PARD3B: variants seen among roughly 807,000 people sequenced by gnomAD.
PARD3B encodes par-3 family cell polarity regulator beta.
Under a neutral mutation model 130.2 loss-of-function variants are expected in PARD3B, and 103 were observed. The observed-to-expected ratio is 0.79, with a 90% CI of 0.67 to 0.93. PARD3B has a LOEUF of 0.93. Ranked by LOEUF, PARD3B falls within the 40% of genes least tolerant of loss-of-function variation. The probability of loss-of-function intolerance (pLI) is 0.00; values close to 1 mark genes in which losing one functional copy is unlikely to be tolerated. For synonymous variants in PARD3B, 583 were observed against 553.2 expected, an observed-to-expected ratio of 1.05 and a Z score of -0.76; for missense variants, 1,609 against 1,499.2, an observed-to-expected ratio of 1.07 and a Z score of -1.21.
In PARD3B at chr2:205,550,836, T is replaced by C. The variant is rs2052586056; in HGVS notation, c.3181-2488T>C. ...TATGTATATATGTATATTTTATGTA[T>C]ATTTGAATATTTTATATGTATATTT... On this transcript the variant is annotated intron_variant, in intron 21 of 22. Transcript: ENST00000406610. This position sits in a 1 kb window ranked among gnomAD's most constrained non-coding sequence, Gnocchi z 4.5. Among the ~76,000 whole-genome samples, 1 of 148,914 alleles carries C rather than the reference T, an allele frequency of 6.7e-6. No individual in the cohort carries two copies. Among genetic ancestry groups the C allele is most frequent in the South Asian group, 2.1e-4 (1 of 4,770 alleles).
intron 21 of PARD3B, among the ~76,000 whole-genome samples, chr2:205,522,838 A>G (rs1485559992): frequency 6.6e-6 from 1 of 152,194 alleles, no homozygotes; most frequent in Non-Finnish European, 1.5e-5. Context: ...TCAATTTTAC[A>G]AATATTTAGG....
At chr2:205,528,217 C>G (rs1271774100) in intron 21 of PARD3B, among the ~76,000 whole-genome samples, 1 of 152,158 alleles carries the variant, frequency 6.6e-6, no homozygotes, top group Non-Finnish European at 1.5e-5. Context: ...TCCCTGTCAG[C>G]ACTTCCAGTC....
Position 204,924,539 on chromosome 2 carries a change from G to T in PARD3B, c.223-40613G>T, listed in dbSNP as rs534516050. Among the ~76,000 whole-genome samples, 7 of 152,116 alleles carry T rather than the reference G, an allele frequency of 4.6e-5. No homozygotes were observed. In the South Asian group the frequency reaches 1.4e-3, roughly 32 times the overall value. ...TAGTTACTACTAAAATTGTTAAAAA[G>T]TCATCTGTGAATAGTCTTTTGCAAG... On this transcript the variant is annotated intron_variant, in intron 2 of 22. Coordinates refer to ENST00000406610, the MANE Select transcript of PARD3B (RefSeq NM_001302769.2).
chr2:205,228,261 C>T (rs1453009435), intron 15 of PARD3B, among the ~76,000 whole-genome samples: 1 of 152,156 alleles, frequency 6.6e-6, no homozygotes, highest in Non-Finnish European at 1.5e-5. Context: ...TTGAAGAACT[C>T]CCTTTAGCAT....
chr2:205,314,696 A>G (rs1452240805), intron 18 of PARD3B, among the ~76,000 whole-genome samples: 4 of 152,248 alleles, frequency 2.6e-5, no homozygotes, highest in African/African-American at 9.6e-5. Flanking sequence ...ATCCTGCTAA[A>G]TAATATCCAC....
At chr2:205,480,460 G>T (rs2049189666) in intron 20 of PARD3B, among the ~76,000 whole-genome samples, 1 of 152,124 alleles carries the variant, frequency 6.6e-6, no homozygotes, top group South Asian at 2.1e-4. Flanking sequence ...TCTCTTCATT[G>T]GTTTGTGTAT....
At chr2:205,042,289 A>T (rs1438873590) in intron 3 of PARD3B, among the ~76,000 whole-genome samples, 1 of 152,132 alleles carries the variant, frequency 6.6e-6, no homozygotes, top group Admixed American at 6.5e-5. Flanking sequence ...TCATTCATAG[A>T]CACTTGGGAA....
rs547815506 is a variant in PARD3B, at chr2:205,290,367, G to A, written c.2186-10163G>A. On this transcript the variant is annotated intron_variant, in intron 16 of 22. Transcript: ENST00000406610. ...ATTTCTGAGGCAGCAAAGAAAATGGGAGGAATTTCAGCTCAAGGTTTGTCA... is the reference window on the plus strand; with the variant it reads ...ATTTCTGAGGCAGCAAAGAAAATGGAAGGAATTTCAGCTCAAGGTTTGTCA... Among the ~76,000 whole-genome samples, 5 of 152,290 alleles carry A rather than the reference G, an allele frequency of 3.3e-5. No homozygotes were observed. The South Asian group carries it at 1.0e-3, about 32-fold the overall frequency.
At chr2:205,337,372 G>T (rs1216190084) in intron 18 of PARD3B, among the ~76,000 whole-genome samples, 1 of 152,118 alleles carries the variant, frequency 6.6e-6, no homozygotes, top group African/African-American at 2.4e-5. Flanking sequence ...GATGTATTTT[G>T]AACATGGTTT....
intron 10 of PARD3B, among the ~76,000 whole-genome samples, chr2:205,137,283 G>A (rs1175340638): frequency 2.6e-5 from 4 of 152,052 alleles, no homozygotes; most frequent in African/African-American, 4.8e-5. Context: ...AGATAGATTC[G>A]AAGAAGCAAG....
At chr2:205,270,983 G>A (rs2040703582) in intron 16 of PARD3B, among the ~76,000 whole-genome samples, 1 of 152,078 alleles carries the variant, frequency 6.6e-6, no homozygotes, top group Admixed American at 6.6e-5. Context: ...GGCAAAAAAG[G>A]AAAAAGGTGT....
chr2:205,033,438 A>G (rs898443215), intron 3 of PARD3B, among the ~76,000 whole-genome samples: 1 of 152,170 alleles, frequency 6.6e-6, no homozygotes, highest in African/African-American at 2.4e-5. Context: ...TATTTCAATT[A>G]GATTAAATTA....
chr2:205,062,451 C>A (rs1248718368), intron 4 of PARD3B, among the ~76,000 whole-genome samples: 1 of 152,102 alleles, frequency 6.6e-6, no homozygotes, highest in Non-Finnish European at 1.5e-5. Context: ...CGCTCCCACC[C>A]AAACCCAGAA....
At chr2:204,828,979 T>C (rs936796604) in intron 2 of PARD3B, among the ~76,000 whole-genome samples, 14 of 152,194 alleles carry the variant, frequency 9.2e-5, no homozygotes, top group African/African-American at 3.1e-4. Context: ...ATGAAGTCTT[T>C]CCTGACTTCA....
chr2:204,718,639 C>T (rs1282667198), intron 2 of PARD3B, among the ~76,000 whole-genome samples: 2 of 152,152 alleles, frequency 1.3e-5, no homozygotes, highest in Non-Finnish European at 2.9e-5. Flanking sequence ...CATGTGACCT[C>T]CATCCTCAAC....
chr2:204,998,357 TA>T (rs1694463373), intron 3 of PARD3B, among the ~76,000 whole-genome samples: 1 of 68,692 alleles, frequency 1.5e-5, no homozygotes, highest in Non-Finnish European at 2.7e-5. Context: ...TATATATATA[TA>T]TGTGTGTGTG....
intron 1 of PARD3B, among the ~76,000 whole-genome samples, chr2:204,630,746 A>G (rs1368893472): frequency 3.3e-5 from 5 of 152,074 alleles, no homozygotes; most frequent in Non-Finnish European, 4.4e-5. Context: ...TTTATAGTTT[A>G]TGTGTATAGA....
intron 1 of PARD3B, among the ~76,000 whole-genome samples, chr2:204,646,972 A>C (rs1296874251): frequency 6.6e-6 from 1 of 152,030 alleles, no homozygotes; most frequent in Non-Finnish European, 1.5e-5. Flanking sequence ...AAAGTGTTGA[A>C]TATCTAACTT....
intron 2 of PARD3B, among the ~76,000 whole-genome samples, chr2:204,686,705 T>A (rs1410033883): frequency 6.6e-6 from 1 of 152,180 alleles, no homozygotes; most frequent in Non-Finnish European, 1.5e-5. Flanking sequence ...GTGAAGATTT[T>A]TCTGAAAGTA....
Sources: allele counts gnomAD v4.1 joint callset (sites outside exome capture counted in the v4.1 genomes callset), GRCh38; gene constraint gnomAD v4.1.1; non-coding constraint Gnocchi (gnomAD v3.1); transcripts MANE v1.5; gene names NCBI Gene and HGNC (gene_info 2026-07-23, HGNC 2026-07-21).